Variants in TENT5D observed in about 807,000 individuals in gnomAD.
The protein encoded by TENT5D is cancer/testis antigen 112.
For synonymous variants in TENT5D, 103 were observed against 100.6 expected (o/e 1.02, Z -0.15); for missense variants, 191 against 287.0 (o/e 0.67, Z 2.42).
At chrX:80,365,879 A>G (rs1930501015) in intron 3 of TENT5D, among the ~76,000 whole-genome samples, 1 of 110,733 alleles carries the variant, frequency 9.0e-6, no homozygotes, top group African/African-American at 3.3e-5. Context: ...AAATGAGATA[A>G]TATACTTAAA....
At chrX:80,422,838 C>T (rs1931916640) in intron 1 of TENT5D, among the ~76,000 whole-genome samples, 2 of 111,274 alleles carry the variant, frequency 1.8e-5, no homozygotes, top group Non-Finnish European at 3.8e-5. Flanking sequence ...ATACTTAATT[C>T]CTTGAGTGTT....
At chrX:80,410,287 A>G (rs1376409290) in intron 3 of TENT5D, among the ~76,000 whole-genome samples, 2 of 101,373 alleles carry the variant, frequency 2.0e-5, no homozygotes, top group Admixed American at 1.1e-4. Flanking sequence ...AAAAGAAACT[A>G]CCATCAGAGT....
In TENT5D at chrX:80,410,547, C is replaced by T. The variant is rs1237960167; in HGVS notation, c.-141-28063C>T. Among the ~76,000 whole-genome samples, 369 of 95,361 alleles carry T rather than the reference C, an allele frequency of 3.9e-3. 1 individual carries two copies. Among genetic ancestry groups the T allele is most frequent in the Non-Finnish European group, 6.0e-3 (281 of 47,057 alleles). The allele number at this position is 95,361 out of a possible 115,157, so 82.8% of individuals were successfully genotyped here. A position where few individuals can be genotyped will look rare whatever the true frequency, so the allele number is the denominator to read the frequency against. ...TGCAAATCAAAACCACAATGAGATA[C>T]CATCTCACACCAGTTAGAATGGCAA... On this transcript the variant is annotated intron_variant, in intron 3 of 4. Transcript: ENST00000538312.
upstream of TENT5D, among the ~76,000 whole-genome samples, chrX:80,418,044 A>G (rs1379599353): frequency 9.0e-6 from 1 of 111,373 alleles, no homozygotes; most frequent in African/African-American, 3.3e-5. Flanking sequence ...CAACTGAGTT[A>G]TTTCAGAGAA....
chrX:80,421,100 A>AT (rs927045416), intron 1 of TENT5D, among the ~76,000 whole-genome samples: 8 of 111,742 alleles, frequency 7.2e-5, no homozygotes, highest in Non-Finnish European at 3.8e-5. Context: ...ACATATCTGT[A>AT]TTTTTTTTAT....
At chrX:80,337,830 T>C (rs1053885371) in intron 2 of TENT5D, among the ~76,000 whole-genome samples, 2 of 110,640 alleles carry the variant, frequency 1.8e-5, no homozygotes. Flanking sequence ...TGCAGTGCAA[T>C]CTTGGCTCGC....
At chrX:80,362,684 A>G (rs936775085) in intron 3 of TENT5D, among the ~76,000 whole-genome samples, 1 of 110,923 alleles carries the variant, frequency 9.0e-6, no homozygotes, top group Non-Finnish European at 1.9e-5. Flanking sequence ...TTCCTACCCT[A>G]AAGACTTAGC....
chrX:80,383,898 G>T (rs1930931378), intron 3 of TENT5D, among the ~76,000 whole-genome samples: 1 of 111,123 alleles, frequency 9.0e-6, no homozygotes, highest in Non-Finnish European at 1.9e-5. Context: ...CCAATAACAG[G>T]CTCTGAAATT....
intron 1 of TENT5D, among the ~76,000 whole-genome samples, chrX:80,425,716 T>C (rs1931976678): frequency 8.9e-6 from 1 of 112,069 alleles, no homozygotes; most frequent in African/African-American, 3.2e-5. Context: ...CCCATATGGT[T>C]TTAGAACATA....
At chrX:80,398,766 A>G (rs1337833406) in intron 3 of TENT5D, among the ~76,000 whole-genome samples, 3 of 108,156 alleles carry the variant, frequency 2.8e-5, no homozygotes, top group Non-Finnish European at 3.8e-5. Context: ...CCATTGATCT[A>G]TGTGTCTTTT....
chrX:80,435,196 C>T (rs756853021), intron 1 of TENT5D, among the ~76,000 whole-genome samples: 3 of 111,692 alleles, frequency 2.7e-5, no homozygotes, highest in Non-Finnish European at 5.6e-5. Context: ...TTCTGCAATT[C>T]AAGCACTACA....
intron 3 of TENT5D, among the ~76,000 whole-genome samples, chrX:80,354,697 G>A (rs919953285): frequency 2.7e-5 from 3 of 111,885 alleles, no homozygotes; most frequent in African/African-American, 9.7e-5. Context: ...TTTCAGTCTG[G>A]TTAAGAGCCA....
chrX:80,411,545 A>G (rs1368389620), intron 3 of TENT5D, among the ~76,000 whole-genome samples: 1 of 112,042 alleles, frequency 8.9e-6, no homozygotes, highest in Non-Finnish European at 1.9e-5. Flanking sequence ...TTATGTTTAT[A>G]ACTTACTTTA....
intron 3 of TENT5D, among the ~76,000 whole-genome samples, chrX:80,396,663 A>G (rs1931249778): frequency 9.3e-6 from 1 of 107,344 alleles, no homozygotes; most frequent in Non-Finnish European, 1.9e-5. Context: ...AAAGTCTCCC[A>G]TGTCTACCTC....
chrX:80,402,075 C>G (rs939090046), intron 3 of TENT5D, among the ~76,000 whole-genome samples: 46 of 111,181 alleles, frequency 4.1e-4, no homozygotes, highest in African/African-American at 1.4e-3. Context: ...AATCTTCTCA[C>G]TTGTTATGGA....
intron 3 of TENT5D, among the ~76,000 whole-genome samples, chrX:80,345,889 A>G (rs1438931949): frequency 1.8e-5 from 2 of 111,413 alleles, no homozygotes; most frequent in Non-Finnish European, 3.8e-5. Context: ...GGCTTTCACC[A>G]TGACCAAACT....
At chrX:80,352,864 T>C (rs991446292) in intron 3 of TENT5D, among the ~76,000 whole-genome samples, 2 of 108,915 alleles carry the variant, frequency 1.8e-5, no homozygotes, top group East Asian at 5.9e-4. Flanking sequence ...GGAAAAACCA[T>C]AGGAAAAGTG....
intron 2 of TENT5D, among the ~76,000 whole-genome samples, chrX:80,440,925 A>G (rs1932270770): frequency 9.0e-6 from 1 of 111,418 alleles, no homozygotes; most frequent in African/African-American, 3.2e-5. Context: ...TAATTCAGTG[A>G]TAATTTCAGA....
intron 3 of TENT5D, among the ~76,000 whole-genome samples, chrX:80,393,561 G>C (rs1475822592): frequency 9.0e-6 from 1 of 111,252 alleles, no homozygotes; most frequent in African/African-American, 3.3e-5. Flanking sequence ...TTTGTGATGA[G>C]GAATTTTCAA....
Sources: allele counts gnomAD v4.1 joint callset (sites outside exome capture counted in the v4.1 genomes callset), GRCh38; gene constraint gnomAD v4.1.1; transcripts MANE v1.5; gene names NCBI Gene and HGNC (gene_info 2026-07-23, HGNC 2026-07-21).